The following AADACL2 variants were observed in gnomAD, a reference collection of about 807,000 sequenced individuals.
AADACL2 encodes arylacetamide deacetylase-like 2.
Under a neutral mutation model 22.3 loss-of-function variants are expected in AADACL2, and 23 were observed. That is an observed-to-expected ratio of 1.03 (90% CI 0.74 to 1.46). The LOEUF is 1.46. Among genes scored for constraint, AADACL2 ranks in the 40% most tolerant of loss-of-function variants. The pLI, the probability that AADACL2 is intolerant of heterozygous loss-of-function variation, is 0.00. For synonymous variants in AADACL2, 177 were observed against 166.2 expected (o/e 1.07, Z -0.50); for missense variants, 472 against 482.9 (o/e 0.98, Z 0.21).
chr3:151,753,341 G>A (rs1329402134), intron 4 of AADACL2, among the ~76,000 whole-genome samples: 1 of 152,082 alleles, frequency 6.6e-6, no homozygotes, highest in Non-Finnish European at 1.5e-5. Context: ...GGGATTTTAG[G>A]GGAAGAATAA....
In AADACL2 at chr3:151,740,720, C is replaced by T; in HGVS notation, c.213C>T (p.Thr71=). Residue 71 remains threonine, a synonymous_variant, in exon 2 of 5, where the codon ACC becomes ACT. Coordinates refer to ENST00000356517, the MANE Select transcript of AADACL2 (RefSeq NM_207365.4). ...FISMIFRLDY[T]QPLSDEYITV... ...CCATGATATTCAGGCTGGATTATAC[C>T]CAACCACTTTCAGATGAATACATCA... 1 of 1,613,684 alleles carries T rather than the reference C, an allele frequency of 6.2e-7. No homozygotes were observed. Among genetic ancestry groups the T allele is most frequent in the Non-Finnish European group, 8.5e-7 (1 of 1,179,860 alleles).
intron 4 of AADACL2, among the ~76,000 whole-genome samples, chr3:151,750,708 G>C (rs887907633): frequency 6.6e-6 from 1 of 151,980 alleles, no homozygotes; most frequent in African/African-American, 2.4e-5. Context: ...TTCCTTTTAA[G>C]TATTATAAGA....
chr3:151,739,055 A>G (rs1713191252), intron 1 of AADACL2, among the ~76,000 whole-genome samples: 1 of 152,134 alleles, frequency 6.6e-6, no homozygotes, highest in Non-Finnish European at 1.5e-5. Context: ...AGGAGTTGCA[A>G]TCATTTGGAG....
chr3:151,738,246 G>C (rs1484195434), intron 1 of AADACL2, among the ~76,000 whole-genome samples: 1 of 151,980 alleles, frequency 6.6e-6, no homozygotes, highest in Admixed American at 6.6e-5. Context: ...TTTCTCCTTT[G>C]CTTACGAAGC....
chr3:151,747,615 T>C (rs934902504), intron 4 of AADACL2, among the ~76,000 whole-genome samples: 1 of 139,892 alleles, frequency 7.1e-6, no homozygotes, highest in African/African-American at 3.0e-5. Context: ...CCATTGTGTG[T>C]GTTTGTGTGT....
intron 1 of AADACL2, 108 bp from the exon 2 acceptor site, chr3:151,740,538 T>C: frequency 2.8e-6 from 2 of 721,292 alleles, no homozygotes; most frequent in Non-Finnish European, 4.4e-6. Flanking sequence ...AGTCTATTTC[T>C]TTTTGTTTAC....
intron 4 of AADACL2, among the ~76,000 whole-genome samples, chr3:151,746,082 T>C (rs1038410118): frequency 6.6e-6 from 1 of 152,154 alleles, no homozygotes; most frequent in Admixed American, 6.5e-5. Flanking sequence ...TTAATGTACA[T>C]GGCATGTCTC....
intron 1 of AADACL2, among the ~76,000 whole-genome samples, chr3:151,740,051 TG>T (rs540844013): frequency 1.9e-3 from 293 of 152,288 alleles, no homozygotes; most frequent in Non-Finnish European, 2.4e-3. Context: ...CAAGCACCAC[TG>T]GGGTACAAAA....
At chr3:151,740,082 C>T (rs763651473) in intron 1 of AADACL2, among the ~76,000 whole-genome samples, 1 of 152,250 alleles carries the variant, frequency 6.6e-6, no homozygotes, top group Non-Finnish European at 1.5e-5. Flanking sequence ...GCAGCTAGCT[C>T]CATGTCTGCC....
Position 151,745,259 on chromosome 3 carries a change from A to G in AADACL2, c.432-250A>G, listed in dbSNP as rs569312762. ...CACTTGGACTAAAATTTTTGCTTAC[A>G]ATTCCTAGGAAGTTCATAACACTCC... On this transcript the variant is annotated intron_variant, in intron 3 of 4. Coordinates refer to ENST00000356517, the MANE Select transcript of AADACL2 (RefSeq NM_207365.4). Among the ~76,000 whole-genome samples, 19 of 152,270 alleles carry G rather than the reference A, an allele frequency of 1.2e-4. No individual in the cohort carries two copies. In the South Asian group the frequency reaches 3.9e-3, roughly 32 times the overall value.
chr3:151,745,279 C>G (rs770605773), intron 3 of AADACL2, among the ~76,000 whole-genome samples: 9 of 152,122 alleles, frequency 5.9e-5, no homozygotes, highest in Non-Finnish European at 8.8e-5. Flanking sequence ...AAGTTCATAA[C>G]ACTCCCCTGA....
At chr3:151,744,000 A>G in intron 2 of AADACL2, 93 bp from the exon 3 acceptor site, 2 of 1,361,554 alleles carry the variant, frequency 1.5e-6, no homozygotes, top group South Asian at 2.5e-5. Context: ...TGTGATATTC[A>G]CAAACCACAG....
At chr3:151,742,084 CA>C in intron 2 of AADACL2, among the ~76,000 whole-genome samples, 1 of 152,060 alleles carries the variant, frequency 6.6e-6, no homozygotes, top group Non-Finnish European at 1.5e-5. Flanking sequence ...AAAAAATAGA[CA>C]TTATAACTAT....
intron 4 of AADACL2, among the ~76,000 whole-genome samples, chr3:151,746,654 G>A (rs1333673935): frequency 1.3e-5 from 2 of 151,796 alleles, no homozygotes; most frequent in Non-Finnish European, 2.9e-5. Flanking sequence ...GCATAAATGG[G>A]TCTTGAATTA....
At chr3:151,750,261 T>C (rs1280398990) in intron 4 of AADACL2, among the ~76,000 whole-genome samples, 6 of 152,206 alleles carry the variant, frequency 3.9e-5, no homozygotes, top group Non-Finnish European at 8.8e-5. Context: ...TGCACCTATG[T>C]TCATAACGGA....
chr3:151,751,043 T>C (rs1713647395), intron 4 of AADACL2, among the ~76,000 whole-genome samples: 1 of 152,156 alleles, frequency 6.6e-6, no homozygotes, highest in Non-Finnish European at 1.5e-5. Flanking sequence ...GAGGACTTCA[T>C]TGCCAAGAAG....
At chr3:151,756,858 T>C (rs1713929691) in intron 4 of AADACL2, 134 bp from the exon 5 acceptor site, 1 of 617,992 alleles carries the variant, frequency 1.6e-6, no homozygotes, top group African/African-American at 1.9e-5. Context: ...ATTATAAATA[T>C]TATAAAAATA....
At chr3:151,736,783 A>G (rs1240335433) in intron 1 of AADACL2, among the ~76,000 whole-genome samples, 1 of 152,202 alleles carries the variant, frequency 6.6e-6, no homozygotes, top group African/African-American at 2.4e-5. Flanking sequence ...TGCAATAAAC[A>G]TATGTATGCA....
chr3:151,741,222 A>G (rs1369978479), intron 2 of AADACL2, among the ~76,000 whole-genome samples: 1 of 152,192 alleles, frequency 6.6e-6, no homozygotes, highest in Non-Finnish European at 1.5e-5. Context: ...CAGATGTTTT[A>G]ATTAACAAGT....
Sources: gnomAD v4.1 joint callset for allele counts (sites outside exome capture counted in the v4.1 genomes callset) on GRCh38, gnomAD v4.1.1 for gene constraint, MANE v1.5 for transcripts, NCBI Gene and HGNC (gene_info 2026-07-23, HGNC 2026-07-21) for gene names.